USO1: variants seen among roughly 807,000 people sequenced by gnomAD.
USO1 encodes the protein general vesicular transport factor p115.
A neutral mutation model predicts 124.5 loss-of-function variants in USO1; 57 were observed. That is an observed-to-expected ratio of 0.46 (90% CI 0.37 to 0.57). The LOEUF is 0.57. Among genes scored for constraint, USO1 ranks in the 20% least tolerant of loss-of-function variants. The pLI, the probability that USO1 is intolerant of heterozygous loss-of-function variation, is 0.00. For missense variants in USO1, 900 were observed against 1,040.6 expected (o/e 0.86, Z 1.86); for synonymous variants, 369 against 362.8 (o/e 1.02, Z -0.19).
Position 75,803,649 on chromosome 4 carries a change from C to CA in USO1, c.1987-471dup, listed in dbSNP as rs540083885. On this transcript the variant is annotated intron_variant, in intron 17 of 23. Transcript: ENST00000514213. ...GGGCGATAAGAGCGAAACTCCGTCT[C>CA]AAAAAAAAAAAAAAGAAAAAAAATA... Among the ~76,000 whole-genome samples, 266 of 82,282 alleles carry CA rather than the reference C, an allele frequency of 3.2e-3. 2 individuals carry two copies. The highest frequency in any genetic ancestry group is 9.4e-3 in the Middle Eastern group (1 of 106). 54.0% of individuals were successfully genotyped at this position (82,282 alleles called of 152,430 possible).
intron 1 of USO1, among the ~76,000 whole-genome samples, chr4:75,731,578 GA>G (rs1720633416): frequency 6.7e-6 from 1 of 149,960 alleles, no homozygotes; most frequent in Non-Finnish European, 1.5e-5. Flanking sequence ...AAAAAAAAAT[GA>G]CTTTTGTAAT....
intron 1 of USO1, among the ~76,000 whole-genome samples, chr4:75,748,165 A>G (rs956799862): frequency 2.7e-5 from 4 of 150,722 alleles, no homozygotes; most frequent in Non-Finnish European, 4.4e-5. Flanking sequence ...CAGCCTCCCA[A>G]AGTGCTGGGA....
rs764298688 is a variant in USO1, at chr4:75,793,790, G to A, written c.1341G>A (p.Ala447=). 58 of 1,613,762 alleles carry A rather than the reference G, an allele frequency of 3.6e-5. No homozygotes were observed. The highest frequency in any genetic ancestry group is 4.5e-5 in the Non-Finnish European group (53 of 1,179,874). The change falls in exon 13 of 24, where the codon GCG becomes GCA. Residue 447 remains alanine (A), a synonymous_variant. Coordinates refer to ENST00000514213, the MANE Select transcript of USO1 (RefSeq NM_003715.4). ...NWCAAVALAH[A]LQENATQKEQ... ...GTGCTGCTGTGGCCCTTGCCCATGC[G>A]TTGCAAGAAAATGCCACCCAGAAAG...
rs576213057 is a variant in USO1 at position 75,784,024 on chromosome 4, G to C, written c.855+1166G>C. 3.3e-5 allele frequency among the ~76,000 whole-genome samples: 5 copies of C among 152,116 alleles called. No homozygotes were observed. In the South Asian group the frequency reaches 1.0e-3, roughly 32 times the overall value. On this transcript the variant is annotated intron_variant, in intron 9 of 23. Coordinates refer to ENST00000514213, the MANE Select transcript of USO1 (RefSeq NM_003715.4). ...CCTTTGTTCAAAACTGCTTTATTTT[G>C]TTTTGTTTTGTTTAAGAGACAGGTT...
chr4:75,776,653 G>T (rs1268756114), intron 8 of USO1, among the ~76,000 whole-genome samples: 1 of 152,218 alleles, frequency 6.6e-6, no homozygotes, highest in Admixed American at 6.5e-5. Context: ...GCCAGTTGTA[G>T]TGAGGGCTTT....
chr4:75,747,998 C>T (rs1721179438), intron 1 of USO1, among the ~76,000 whole-genome samples: 1 of 150,110 alleles, frequency 6.7e-6, no homozygotes, highest in Non-Finnish European at 1.5e-5. Context: ...ACCTCCGCCT[C>T]CTGGGTTCAA....
At chr4:75,776,812 C>T (rs1722083682) in intron 8 of USO1, among the ~76,000 whole-genome samples, 1 of 152,030 alleles carries the variant, frequency 6.6e-6, no homozygotes, top group Admixed American at 6.6e-5. Flanking sequence ...GGTGAGGAAG[C>T]CTCTAATCTG....
Position 75,797,234 on chromosome 4 carries a change from CTTTT to C in USO1, c.1453-2382_1453-2379del, listed in dbSNP as rs200485204. Among the ~76,000 whole-genome samples, 9 of 150,908 alleles carry C rather than the reference CTTTT, an allele frequency of 6.0e-5. No homozygotes were observed. In the South Asian group the frequency reaches 1.9e-3, roughly 32 times the overall value. On this transcript the variant is annotated intron_variant, in intron 13 of 23. Transcript: ENST00000514213. ...ATGTTTATCTTATACTTTCTGGTTT[CTTTT>C]TTTTTCATTTAATTCTTTGTTCTGT...
chr4:75,796,375 G>A (rs935308527), intron 13 of USO1, among the ~76,000 whole-genome samples: 1 of 116,616 alleles, frequency 8.6e-6, no homozygotes, highest in African/African-American at 2.8e-5. Flanking sequence ...TCACTCCGTT[G>A]CCCAGACTGG....
chr4:75,730,825 T>G (rs1371314455), intron 1 of USO1, among the ~76,000 whole-genome samples: 1 of 152,180 alleles, frequency 6.6e-6, no homozygotes, highest in African/African-American at 2.4e-5. Context: ...CTTTTTTTTT[T>G]TTTTAAAGAG....
At position 75,787,127 on chromosome 4, in the gene USO1, G is replaced by A. The variant is rs368052314; in HGVS notation, c.921G>A (p.Met307Ile). The part of the protein sequence containing the change: ...PGATSSCQKA[M>I]FQCGLLQQLC... ...CTACCAGTAGCTGCCAGAAGGCTAT[G>A]TTCCAGTGTGGGTTATTGCAGCAGC... Residue 307 changes from methionine to isoleucine, a missense_variant, in exon 10 of 24, where the codon ATG becomes ATA. Physicochemically the swap from Met to Ile is conservative, Grantham distance 10. Coordinates refer to ENST00000514213, the MANE Select transcript of USO1 (RefSeq NM_003715.4). 144 of 1,607,888 alleles carry A rather than the reference G, an allele frequency of 9.0e-5. No homozygotes were observed. The highest frequency in any genetic ancestry group is 1.2e-4 in the Non-Finnish European group (143 of 1,177,430).
At chr4:75,782,925 C>T (rs1281635464) in intron 9 of USO1, 67 bp downstream of exon 9, 12 of 1,468,116 alleles carry the variant, frequency 8.2e-6, no homozygotes, top group East Asian at 2.7e-5. Context: ...AGAAGAAAAT[C>T]GCTTGTATTT....
At chr4:75,787,327 A>G in intron 10 of USO1, 125 bp downstream of exon 10, 1 of 1,224,996 alleles carries the variant, frequency 8.2e-7, no homozygotes, top group Admixed American at 3.3e-5. Context: ...ATTTTTAATG[A>G]TCTTACTAAA....
chr4:75,728,762 T>C (rs1477750709), intron 1 of USO1, among the ~76,000 whole-genome samples: 2 of 152,222 alleles, frequency 1.3e-5, no homozygotes, highest in African/African-American at 2.4e-5. Context: ...CACATTAAAC[T>C]TTTTCTGTTT....
At position 75,775,629 on chromosome 4, in the gene USO1, C is replaced by A. The variant is rs551827626; in HGVS notation, c.676+833C>A. Among the ~76,000 whole-genome samples, 7 of 152,288 alleles carry A rather than the reference C, an allele frequency of 4.6e-5. No individual in the cohort carries two copies. In the South Asian group the frequency reaches 1.5e-3, roughly 32 times the overall value. ...ACTACTTGAGTGTGTAATTTATTTT[C>A]TCCCCTAGCAGCACTCAGCTGCCTA... On this transcript the variant is annotated intron_variant, in intron 8 of 23. Transcript: ENST00000514213.
Position 75,805,279 on chromosome 4 carries a change from A to G in USO1, c.2265A>G (p.Glu755=). The change falls in exon 19 of 24, where the codon GAA becomes GAG. Residue 755 remains glutamate (E), a synonymous_variant. Coordinates refer to ENST00000514213, the MANE Select transcript of USO1 (RefSeq NM_003715.4). ...AACTTTTACAAAGCCAGCTGACTGAAAAGGACTCTATGATTGAAAATATGG... is the reference window on the plus strand; with the variant it reads ...AACTTTTACAAAGCCAGCTGACTGAGAAGGACTCTATGATTGAAAATATGG... The part of the protein sequence containing the change: ...NQELLQSQLT[E]KDSMIENMKS... The G allele has an allele frequency of 3.1e-6, 5 of 1,609,384 alleles. No homozygotes were observed. The highest frequency in any genetic ancestry group is 4.2e-6 in the Non-Finnish European group (5 of 1,178,068).
At chr4:75,801,239 A>AT (rs1452331764) in intron 17 of USO1, 39 bp downstream of exon 17, 1 of 1,504,490 alleles carries the variant, frequency 6.6e-7, no homozygotes, top group Non-Finnish European at 8.8e-7. Flanking sequence ...CTGATTACCA[A>AT]TAGGCACTTT....
intron 3 of USO1, 37 bp downstream of exon 3, chr4:75,752,641 T>A (rs1721323701): frequency 2.5e-6 from 1 of 398,316 alleles, no homozygotes; most frequent in African/African-American, 2.1e-5. Context: ...CCCTAATTTT[T>A]CTTGAACTTT....
rs1723216467 is a variant in USO1, at chr4:75,813,798, T to C, written c.*503T>C. The C allele has an allele frequency of 6.6e-6, 1 of 152,448 alleles. No homozygotes were observed. The highest frequency in any genetic ancestry group is 2.1e-4 in the South Asian group (1 of 4,838). 9.4% of individuals were successfully genotyped at this position (152,448 alleles called of 1,614,324 possible). ...TGCATATCATCAGCCCTCCATCTAATGTGATTGCTAAGATGTGCAGGATAG... is the reference window on the plus strand; with the variant it reads ...TGCATATCATCAGCCCTCCATCTAACGTGATTGCTAAGATGTGCAGGATAG... On this transcript the variant is annotated 3_prime_UTR_variant, in exon 24 of 24. Coordinates refer to ENST00000514213, the MANE Select transcript of USO1 (RefSeq NM_003715.4).
Sources: gnomAD v4.1 joint callset for allele counts (sites outside exome capture counted in the v4.1 genomes callset) on GRCh38, gnomAD v4.1.1 for gene constraint, MANE v1.5 for transcripts, NCBI Gene and HGNC (gene_info 2026-07-23, HGNC 2026-07-21) for gene names.